The following IL36B variants were observed in gnomAD, a reference collection of about 807,000 sequenced individuals.
IL36B encodes the protein interleukin 36 beta, also known as interleukin-36 beta.
In IL36B, 23 loss-of-function variants were observed where a neutral mutation model predicts 19.3. The observed-to-expected ratio is 1.19, with a 90% CI of 0.86 to 1.69. The LOEUF (loss-of-function observed/expected upper bound fraction) is 1.69. Among genes scored for constraint, IL36B ranks in the 40% most tolerant of loss-of-function variants. IL36B has a pLI of 0.00. For synonymous variants in IL36B, 59 were observed against 59.7 expected (o/e 0.99, Z 0.05); for missense variants, 217 against 200.5 (o/e 1.08, Z -0.50).
chr2:113,031,192 G>A (rs919700326), intron 2 of IL36B, 37 bp from the exon 3 acceptor site: 3 of 1,425,714 alleles, frequency 2.1e-6, no homozygotes, highest in African/African-American at 1.4e-5. Context: ...TACACGTGAG[G>A]TTATCAACTT....
intron 4 of IL36B, chr2:113,027,878 C>G (rs766045097): frequency 6.2e-7 from 1 of 1,612,636 alleles, no homozygotes; most frequent in Non-Finnish European, 8.5e-7. Flanking sequence ...ATCCTGGAAC[C>G]AGCCACCCAC....
chr2:113,032,992 TC>T (rs1459602157), intron 1 of IL36B, among the ~76,000 whole-genome samples: 1 of 152,082 alleles, frequency 6.6e-6, no homozygotes, highest in Admixed American at 6.5e-5. Flanking sequence ...TTACTGGTCT[TC>T]CTTGGAGGCA....
rs1684882588 is a variant in IL36B, at chr2:113,022,667, C to T, written c.*7G>A. ...TTGTAGAGATGGGAATCTTCCTCCC[C>T]TTATTTCTACATCCTTCCTGGCATT... On this transcript the variant is annotated 3_prime_UTR_variant, in exon 6 of 6. Transcript: ENST00000259213. 1 of 1,551,822 alleles carries T rather than the reference C, an allele frequency of 6.4e-7. No individual in the cohort carries two copies. The highest frequency in any genetic ancestry group is 8.9e-7 in the Non-Finnish European group (1 of 1,123,272).
intron 1 of IL36B, among the ~76,000 whole-genome samples, chr2:113,034,391 A>G (rs1025798934): frequency 6.6e-6 from 1 of 152,218 alleles, no homozygotes; most frequent in Admixed American, 6.5e-5. Flanking sequence ...CCTATCTCCA[A>G]GAGTCCCTCA....
In IL36B at chr2:113,047,704, T is replaced by C. The variant is rs150707817; in HGVS notation, c.-58+5113A>G. On this transcript the variant is annotated intron_variant, in intron 1 of 5. Coordinates refer to ENST00000259213, the MANE Select transcript of IL36B (RefSeq NM_014438.5). ...TGAAATGTTTTTATCCCCAGCCTTGTGGATAATGACAATGATAATGCAAAG... is the reference window on the plus strand; with the variant it reads ...TGAAATGTTTTTATCCCCAGCCTTGCGGATAATGACAATGATAATGCAAAG... Among the ~76,000 whole-genome samples the C allele has an allele frequency of 3.1e-3, 468 of 152,298 alleles. 1 individual carries two copies. Among genetic ancestry groups the C allele is most frequent in the African/African-American group, 0.011 (441 of 41,554 alleles).
intron 3 of IL36B, 67 bp from the exon 4 acceptor site, chr2:113,029,145 C>G: frequency 2.0e-6 from 3 of 1,508,828 alleles, no homozygotes; most frequent in East Asian, 2.3e-5. Flanking sequence ...GTTACTCCCC[C>G]CAGGTAGGGA....
At chr2:113,043,745 G>A (rs986269088) in intron 1 of IL36B, among the ~76,000 whole-genome samples, 1 of 152,116 alleles carries the variant, frequency 6.6e-6, no homozygotes, top group Non-Finnish European at 1.5e-5. Context: ...GTAGAGAAGG[G>A]GTTTCACCAT....
chr2:113,028,218 G>A (rs1685001339), intron 4 of IL36B, 103 bp from the exon 5 acceptor site: 19 of 894,306 alleles, frequency 2.1e-5, no homozygotes, highest in Middle Eastern at 2.8e-4. Flanking sequence ...GCCCCCAAAG[G>A]AAGGGACAGA....
chr2:113,025,724 G>A (rs1022625720), intron 5 of IL36B, among the ~76,000 whole-genome samples: 5 of 152,314 alleles, frequency 3.3e-5, no homozygotes, highest in Admixed American at 3.3e-4. Context: ...GACATAGGCA[G>A]CAATGGAAGT....
At chr2:113,039,370 C>T (rs752294766) in intron 1 of IL36B, among the ~76,000 whole-genome samples, 5 of 152,218 alleles carry the variant, frequency 3.3e-5, no homozygotes, top group African/African-American at 7.2e-5. Context: ...CAACCACCCT[C>T]ACCGTGGCAC....
intron 1 of IL36B, among the ~76,000 whole-genome samples, chr2:113,038,941 G>T (rs1226841133): frequency 6.6e-6 from 1 of 152,184 alleles, no homozygotes; most frequent in East Asian, 1.9e-4. Context: ...GACTCAGTGG[G>T]AGACTGTCAG....
rs549755908 is a variant in IL36B, at chr2:113,028,121, G to A, written c.261+818C>T. On this transcript the variant is annotated intron_variant, in intron 4 of 5. Coordinates refer to ENST00000259213, the MANE Select transcript of IL36B (RefSeq NM_014438.5). Reference sequence around the variant, plus strand: ...AGGTCCATGATATTTTTTTCCTGGGGGTGGAAAAGAGGCTTGTTAGAGAGG... The same window carrying A: ...AGGTCCATGATATTTTTTTCCTGGGAGTGGAAAAGAGGCTTGTTAGAGAGG... 27 of 1,612,850 alleles carry A rather than the reference G, an allele frequency of 1.7e-5. No homozygotes were observed. The highest frequency in any genetic ancestry group is 3.3e-4 in the Middle Eastern group (2 of 6,060).
At chr2:113,023,231 G>A (rs1444550195) in intron 5 of IL36B, among the ~76,000 whole-genome samples, 1 of 152,120 alleles carries the variant, frequency 6.6e-6, no homozygotes, top group Non-Finnish European at 1.5e-5. Flanking sequence ...TTACTACTAT[G>A]TCCCCAGCAC....
chr2:113,046,163 A>G (rs1685344368), intron 1 of IL36B, among the ~76,000 whole-genome samples: 1 of 151,488 alleles, frequency 6.6e-6, no homozygotes. Flanking sequence ...ATATTGATAC[A>G]TTATTATTAT....
At chr2:113,045,615 C>T (rs1685335055) in intron 1 of IL36B, among the ~76,000 whole-genome samples, 1 of 152,142 alleles carries the variant, frequency 6.6e-6, no homozygotes, top group Admixed American at 6.5e-5. Flanking sequence ...GAATTAGTCC[C>T]ATATATCACT....
rs572261251 is a variant in IL36B at position 113,029,102 on chromosome 2, G to A, written c.122-24C>T. ...GACTGGAAACACAAAGGAAAATGGA[G>A]AAGATGTTTCAGTCTTTCTGGTCTG... On this transcript the variant is annotated intron_variant, in intron 3 of 5. Coordinates refer to ENST00000259213, the MANE Select transcript of IL36B (RefSeq NM_014438.5). 247 of 1,606,526 alleles carry A rather than the reference G, an allele frequency of 1.5e-4. 2 individuals are homozygous for A. The South Asian group carries it at 2.4e-3, about 16-fold the overall frequency.
chr2:113,031,867 C>T, intron 1 of IL36B, 101 bp from the exon 2 acceptor site: 1 of 634,650 alleles, frequency 1.6e-6, no homozygotes. Flanking sequence ...TTAGAGAGAG[C>T]TGCCCTGAGA....
rs72944588 is a variant in IL36B at position 113,037,692 on chromosome 2, G to C, written c.-57-5926C>G. On this transcript the variant is annotated intron_variant, in intron 1 of 5. Coordinates refer to ENST00000259213, the MANE Select transcript of IL36B (RefSeq NM_014438.5). ...CAAATGGTCTATACTTTCTGATTTTGTACAGTCTTTATACCATAATATGAA... is the reference window on the plus strand; with the variant it reads ...CAAATGGTCTATACTTTCTGATTTTCTACAGTCTTTATACCATAATATGAA... 7.0e-3 allele frequency among the ~76,000 whole-genome samples: 1,046 copies of C among 150,234 alleles called. 14 individuals carry two copies. The highest frequency in any genetic ancestry group is 0.024 in the African/African-American group (999 of 41,028).
intron 4 of IL36B, chr2:113,027,497 G>A (rs572617440): frequency 7.8e-6 from 8 of 1,024,474 alleles, no homozygotes; most frequent in Admixed American, 5.1e-5. Context: ...CTTTATCTTT[G>A]GGGCACATAT....
Sources: gnomAD v4.1 joint callset for allele counts (sites outside exome capture counted in the v4.1 genomes callset) on GRCh38, gnomAD v4.1.1 for gene constraint, MANE v1.5 for transcripts, NCBI Gene and HGNC (gene_info 2026-07-23, HGNC 2026-07-21) for gene names.